The following CDK5RAP2 variants were observed in gnomAD, a reference collection of about 807,000 sequenced individuals.
CDK5RAP2 encodes CDK5 regulatory subunit associated protein 2.
CDK5RAP2 carries 147 observed loss-of-function variants against 232.9 expected under a neutral mutation model. The ratio of observed to expected loss-of-function variants is 0.63; its 90% confidence interval spans 0.55 to 0.72. CDK5RAP2 has a LOEUF of 0.72. Ranked by LOEUF, CDK5RAP2 falls within the 30% of genes least tolerant of loss-of-function variation. The pLI, the probability that CDK5RAP2 is intolerant of heterozygous loss-of-function variation, is 0.00. For missense variants in CDK5RAP2, 2,195 were observed against 2,231.5 expected, an observed-to-expected ratio of 0.98 and a Z score of 0.33; for synonymous variants, 833 against 833.7, an observed-to-expected ratio of 1.00 and a Z score of 0.01.
Position 120,439,779 on chromosome 9 carries a change from CTGTTT to C in CDK5RAP2, c.3337_3341del (p.Lys1113GlufsTer4), listed in dbSNP as rs2035791346. On this transcript the variant is annotated frameshift_variant, in exon 24 of 38. Transcript: ENST00000349780. LOFTEE classifies it high-confidence loss of function. ...GCTCAGTTTCCAAGTCATGGATTTTCTGTTTTAAGTATTCTGTCTCATTTGAGGTA... is the reference window on the plus strand; with the variant it reads ...GCTCAGTTTCCAAGTCATGGATTTTCTAAGTATTCTGTCTCATTTGAGGTA... 6.2e-7 allele frequency: 1 copy of C among 1,614,150 alleles called. No individual in the cohort carries two copies. Among genetic ancestry groups the C allele is most frequent in the Non-Finnish European group, 8.5e-7 (1 of 1,180,004 alleles).
intron 35 of CDK5RAP2, among the ~76,000 whole-genome samples, chr9:120,397,544 T>TAA (rs760469422): frequency 9.2e-4 from 45 of 49,172 alleles, no homozygotes; most frequent in East Asian, 1.1e-3. Context: ...AAAACATTCT[T>TAA]AAAAAAAAAA....
chr9:120,564,521 T>G (rs926831402), intron 3 of CDK5RAP2, among the ~76,000 whole-genome samples: 1 of 149,448 alleles, frequency 6.7e-6, no homozygotes, highest in Non-Finnish European at 1.5e-5. Flanking sequence ...ATCATACAAC[T>G]ATAAAAAGAT....
chr9:120,545,773 C>T lies in CDK5RAP2; in HGVS notation c.324G>A (p.Val108=), dbSNP rs1280092593. ...HIYKTNIELK[V]EVESLKRELQ... is the part of the protein sequence containing the mutation. ...GTTCCCGCTTCAGACTTTCTACTTC[C>T]ACCTTGAGCTCAATGTTCTACAAAA... The change falls in exon 5 of 38, where the codon GTG becomes GTA. Residue 108 remains valine, a synonymous_variant. Transcript: ENST00000349780. 1 of 1,613,626 alleles carries T rather than the reference C, an allele frequency of 6.2e-7. No individual in the cohort carries two copies.
At chr9:120,427,262 A>T (rs2034968520) in intron 25 of CDK5RAP2, among the ~76,000 whole-genome samples, 1 of 152,258 alleles carries the variant, frequency 6.6e-6, no homozygotes, top group African/African-American at 2.4e-5. Flanking sequence ...CAATGAGCTT[A>T]AAAAACAAAA....
At position 120,389,725 on chromosome 9, in the gene CDK5RAP2, G is replaced by A. The variant is rs1355615825; in HGVS notation, c.5625+16C>T. 3 of 1,613,360 alleles carry A rather than the reference G, an allele frequency of 1.9e-6. No homozygotes were observed. The highest frequency in any genetic ancestry group is 2.5e-6 in the Non-Finnish European group (3 of 1,179,408). On this transcript the variant is annotated intron_variant, in intron 37 of 37. Coordinates refer to ENST00000349780, the MANE Select transcript of CDK5RAP2 (RefSeq NM_018249.6). ...ACCTTCCACTGGCCTGCAGTGAAAA[G>A]ACTCAAAGGGCATACCTCCAGGTTT... is the stretch of plus-strand genomic sequence containing the variant.
chr9:120,493,500 A>C (rs1449948450), intron 12 of CDK5RAP2, among the ~76,000 whole-genome samples: 1 of 152,236 alleles, frequency 6.6e-6, no homozygotes, highest in Non-Finnish European at 1.5e-5. Flanking sequence ...CCATTTGCAA[A>C]TGATCAATAG....
chr9:120,437,913 A>T (rs2035680152), intron 24 of CDK5RAP2, among the ~76,000 whole-genome samples: 1 of 152,204 alleles, frequency 6.6e-6, no homozygotes, highest in African/African-American at 2.4e-5. Flanking sequence ...GTGTACCACA[A>T]AGAAAAAAAG....
Position 120,458,535 on chromosome 9 carries a change from C to G in CDK5RAP2, c.2290G>C (p.Ala764Pro), listed in dbSNP as rs746203438. 7.4e-6 allele frequency: 12 copies of G among 1,614,116 alleles called. No individual in the cohort carries two copies. The Admixed American group carries it at 1.8e-4, about 25-fold the overall frequency. Residue 764 changes from alanine (A) to proline (P), a missense_variant, in exon 20 of 38, where the codon GCA (alanine) becomes CCA (proline). Physicochemically the swap from Ala to Pro is conservative, Grantham distance 27. Coordinates refer to ENST00000349780, the MANE Select transcript of CDK5RAP2 (RefSeq NM_018249.6). ...SKISDCDGAH[A>P]PGCLEEGAFI... is the part of the protein sequence containing the mutation. ...GCACCTTCTTCTAGGCAGCCAGGTG[C>G]GTGGGCCCCATCACAATCTGAAATC...
rs73660584 is a variant in CDK5RAP2 at position 120,566,905 on chromosome 9, G to A, written c.195+1416C>T. On this transcript the variant is annotated intron_variant, in intron 3 of 37. Coordinates refer to ENST00000349780, the MANE Select transcript of CDK5RAP2 (RefSeq NM_018249.6). ...TCAGTTCAATAAGCAGATAAAAGATGTGAAACCAAAATTCTAATATTCTGT... is the reference window on the plus strand; with the variant it reads ...TCAGTTCAATAAGCAGATAAAAGATATGAAACCAAAATTCTAATATTCTGT... Among the ~76,000 whole-genome samples, 1,049 of 152,324 alleles carry A rather than the reference G, an allele frequency of 6.9e-3. 9 individuals are homozygous for A. Among genetic ancestry groups the A allele is most frequent in the African/African-American group, 0.024 (993 of 41,570 alleles).
At chr9:120,552,544 G>A (rs1588637723) in intron 3 of CDK5RAP2, among the ~76,000 whole-genome samples, 2 of 152,124 alleles carry the variant, frequency 1.3e-5, no homozygotes, top group Middle Eastern at 6.8e-3. Context: ...TCCTTTGTAG[G>A]GACGTGGATG....
chr9:120,509,666 TACCAATTA>T, intron 12 of CDK5RAP2, among the ~76,000 whole-genome samples: 1 of 152,216 alleles, frequency 6.6e-6, no homozygotes, highest in Non-Finnish European at 1.5e-5. Context: ...TCAAAATAGC[TACCAATTA>T]TTGCTCATTT....
rs945983595 is a variant in CDK5RAP2 at position 120,564,446 on chromosome 9, T to C, written c.195+3875A>G. On this transcript the variant is annotated intron_variant, in intron 3 of 37. Coordinates refer to ENST00000349780, the MANE Select transcript of CDK5RAP2 (RefSeq NM_018249.6). ...CTGCGGCTGCAGTGAGCCGAGATCGTGCCACTCCACTCCAGCCTGGGCAAC... is the reference window on the plus strand; with the variant it reads ...CTGCGGCTGCAGTGAGCCGAGATCGCGCCACTCCACTCCAGCCTGGGCAAC... Among the ~76,000 whole-genome samples, 11 of 144,190 alleles carry C rather than the reference T, an allele frequency of 7.6e-5. No individual in the cohort carries two copies. In the South Asian group the frequency reaches 1.3e-3, roughly 17 times the overall value. The allele number at this position is 144,190 out of a possible 152,430, so 94.6% of individuals were successfully genotyped here.
rs1407600229 is a variant in CDK5RAP2 at position 120,448,132 on chromosome 9, A to G, written c.2794-6T>C. 6.3e-7 allele frequency: 1 copy of G among 1,598,064 alleles called. No individual in the cohort carries two copies. The highest frequency in any genetic ancestry group is 2.2e-5 in the East Asian group (1 of 44,824). On this transcript the variant is annotated splice_region_variant and splice_polypyrimidine_tract_variant and intron_variant, in intron 21 of 37. Transcript: ENST00000349780. Reference sequence around the variant, plus strand: ...AAGCGGGACTTCTTAGCCTCCTGAAAACACACATATGCAACAATGAATACA... The same window carrying G: ...AAGCGGGACTTCTTAGCCTCCTGAAGACACACATATGCAACAATGAATACA...
Position 120,527,880 on chromosome 9 carries a change from C to T in CDK5RAP2, c.925G>A (p.Glu309Lys). 2 of 1,613,844 alleles carry T rather than the reference C, an allele frequency of 1.2e-6. No individual in the cohort carries two copies. The highest frequency in any genetic ancestry group is 1.7e-6 in the Non-Finnish European group (2 of 1,179,896). Residue 309 changes from glutamate (E) to lysine (K), a missense_variant, in exon 10 of 38, where the codon GAG becomes AAG. Physicochemically the swap from Glu to Lys is moderately conservative, Grantham distance 56. Coordinates refer to ENST00000349780, the MANE Select transcript of CDK5RAP2 (RefSeq NM_018249.6). ...TCCCTCTTTAGACTATTTTTCTTCT[C>T]TGTAGCAATTTCTCTTTCCTTCTCT... The part of the protein sequence containing the change: ...LREKEREIAT[E>K]KKNSLKRDKA...
At position 120,545,279 on chromosome 9, in the gene CDK5RAP2, A is replaced by G. The variant is rs527972830; in HGVS notation, c.383+435T>C. 4.6e-5 allele frequency among the ~76,000 whole-genome samples: 7 copies of G among 152,372 alleles called. No individual in the cohort carries two copies. In the East Asian group the frequency reaches 1.2e-3, roughly 25 times the overall value. The stretch of plus-strand genomic sequence containing the variant: ...TTAACAACATAGATCAATCTCACAA[A>G]TATATTGTTGAGGAAAGAAGCCAGA... On this transcript the variant is annotated intron_variant, in intron 5 of 37. Transcript: ENST00000349780.
intron 25 of CDK5RAP2, among the ~76,000 whole-genome samples, chr9:120,432,956 T>C (rs2131447816): frequency 6.6e-6 from 1 of 152,304 alleles, no homozygotes; most frequent in East Asian, 1.9e-4. Flanking sequence ...TTATTTAGAA[T>C]ACCCTTAGCT....
At chr9:120,533,241 C>G (rs1490391465) in intron 7 of CDK5RAP2, among the ~76,000 whole-genome samples, 1 of 152,134 alleles carries the variant, frequency 6.6e-6, no homozygotes, top group Non-Finnish European at 1.5e-5. Flanking sequence ...CAACGTTCAG[C>G]CCTGCATTCC....
chr9:120,458,214 A>G (rs1054939395), intron 20 of CDK5RAP2, among the ~76,000 whole-genome samples: 9 of 152,164 alleles, frequency 5.9e-5, no homozygotes, highest in African/African-American at 2.2e-4. Context: ...TTCCCAAAGA[A>G]AGCTTTCTTT....
At chr9:120,553,535 T>C (rs1360690323) in intron 3 of CDK5RAP2, among the ~76,000 whole-genome samples, 1 of 152,056 alleles carries the variant, frequency 6.6e-6, no homozygotes, top group African/African-American at 2.4e-5. Context: ...AAACACAAGC[T>C]AGGAAGGGAC....
Sources: gnomAD v4.1 joint callset for allele counts (sites outside exome capture counted in the v4.1 genomes callset) on GRCh38, gnomAD v4.1.1 for gene constraint, MANE v1.5 for transcripts, NCBI Gene and HGNC (gene_info 2026-07-23, HGNC 2026-07-21) for gene names.